Variants in POF1B observed in about 807,000 individuals in gnomAD.
The protein encoded by POF1B is protein POF1B.
POF1B carries 53 observed loss-of-function variants against 55.3 expected under a neutral mutation model. The observed-to-expected ratio is 0.96, with a 90% CI of 0.77 to 1.20. The LOEUF is 1.20. POF1B is among the 50% of genes most tolerant of loss of function. The pLI is 0.00. For synonymous variants in POF1B, 188 were observed against 148.3 expected, an observed-to-expected ratio of 1.27 and a Z score of -1.95; for missense variants, 478 against 420.5, an observed-to-expected ratio of 1.14 and a Z score of -1.20.
At chrX:85,287,430 T>G (rs1453031107) in intron 15 of POF1B, among the ~76,000 whole-genome samples, 1 of 111,116 alleles carries the variant, frequency 9.0e-6, no homozygotes, top group Admixed American at 9.6e-5. Flanking sequence ...GGTCCTATAG[T>G]CTTTGAAAGA....
At chrX:85,323,451 G>A (rs1414760318) in intron 7 of POF1B, among the ~76,000 whole-genome samples, 1 of 105,807 alleles carries the variant, frequency 9.5e-6, no homozygotes, top group East Asian at 3.0e-4. Context: ...GTTGTGGGGT[G>A]GGGGGAAGGG....
chrX:85,296,444 A>T (rs1428392625), intron 15 of POF1B, among the ~76,000 whole-genome samples: 1 of 112,128 alleles, frequency 8.9e-6, no homozygotes, highest in Non-Finnish European at 1.9e-5. Flanking sequence ...AGTGATAATA[A>T]ATTCCCTTAG....
At chrX:85,329,836 G>C (rs900717653) in intron 7 of POF1B, among the ~76,000 whole-genome samples, 1 of 108,568 alleles carries the variant, frequency 9.2e-6, no homozygotes. Flanking sequence ...ATATACAAGA[G>C]ATTAAGAGAG....
chrX:85,358,721 A>G (rs752864160), intron 4 of POF1B, among the ~76,000 whole-genome samples: 2 of 110,908 alleles, frequency 1.8e-5, no homozygotes, highest in Non-Finnish European at 1.9e-5. Context: ...AAGATTAGAC[A>G]AGCTGGGAGG....
intron 7 of POF1B, among the ~76,000 whole-genome samples, chrX:85,324,007 C>A (rs754603198): frequency 1.8e-5 from 2 of 111,954 alleles, no homozygotes; most frequent in Non-Finnish European, 3.8e-5. Flanking sequence ...TGTTTCATTT[C>A]CATTTAATTA....
At chrX:85,330,408 T>C (rs748812246) in intron 7 of POF1B, among the ~76,000 whole-genome samples, 2 of 111,551 alleles carry the variant, frequency 1.8e-5, no homozygotes, top group South Asian at 3.7e-4. Context: ...ATCACATAAG[T>C]GGAAGACAAA....
At chrX:85,291,436 A>G (rs1427643251) in intron 15 of POF1B, among the ~76,000 whole-genome samples, 3 of 111,612 alleles carry the variant, frequency 2.7e-5, no homozygotes, top group African/African-American at 9.8e-5. Context: ...TTCGTTCCAT[A>G]TGATTTTGAA....
At chrX:85,320,992 C>A (rs367748208) in intron 7 of POF1B, among the ~76,000 whole-genome samples, 3 of 110,800 alleles carry the variant, frequency 2.7e-5, no homozygotes, top group South Asian at 3.9e-4. Context: ...GATGGATTCA[C>A]AGCCGAATTC....
At chrX:85,302,266 TA>T (rs965165738) in intron 15 of POF1B, among the ~76,000 whole-genome samples, 1 of 111,242 alleles carries the variant, frequency 9.0e-6, no homozygotes, top group Non-Finnish European at 1.9e-5. Flanking sequence ...ACAACTCACT[TA>T]AAAAATGGAA....
intron 15 of POF1B, among the ~76,000 whole-genome samples, chrX:85,298,901 G>T (rs996993584): frequency 3.8e-5 from 4 of 104,239 alleles, no homozygotes; most frequent in African/African-American, 1.4e-4. Context: ...AGAATACAAA[G>T]AACTAAAAAA....
At chrX:85,280,933 C>T (rs1376234915) in intron 16 of POF1B, among the ~76,000 whole-genome samples, 5 of 110,778 alleles carry the variant, frequency 4.5e-5, no homozygotes, top group Non-Finnish European at 9.5e-5. Context: ...TCCTGCACAT[C>T]GTAGTATGTT....
At chrX:85,371,347 T>C (rs998046779) in intron 2 of POF1B, among the ~76,000 whole-genome samples, 4 of 112,125 alleles carry the variant, frequency 3.6e-5, no homozygotes. Flanking sequence ...TTGATGATGA[T>C]TATAATGATG....
At chrX:85,313,044 G>T (rs951837355) in intron 9 of POF1B, among the ~76,000 whole-genome samples, 1 of 112,040 alleles carries the variant, frequency 8.9e-6, no homozygotes, top group African/African-American at 3.2e-5. Context: ...AGACTTTGCT[G>T]AAGTTGCTTA....
At chrX:85,370,483 T>C (rs1933800671) in intron 2 of POF1B, among the ~76,000 whole-genome samples, 1 of 111,595 alleles carries the variant, frequency 9.0e-6, no homozygotes. Flanking sequence ...TTAATATGAG[T>C]CAAAGATATT....
Position 85,330,929 on chromosome X carries a change from AAAT to A in POF1B, c.854+17_854+19del. On this transcript the variant is annotated intron_variant, in intron 7 of 16. Transcript: ENST00000262753. ...TGTTTGGTAGCTACAACATCAAGGC[AAAT>A]AATATGTTTACAGTACCTTCCTCCA... 1 of 1,142,426 alleles carries A rather than the reference AAAT, an allele frequency of 8.8e-7. No individual in the cohort carries two copies. Among genetic ancestry groups the A allele is most frequent in the Non-Finnish European group, 1.2e-6 (1 of 859,949 alleles). The allele number at this position is 1,142,426 out of a possible 1,213,427, so 94.1% of individuals were successfully genotyped here.
intron 7 of POF1B, among the ~76,000 whole-genome samples, chrX:85,320,714 A>C (rs1932828821): frequency 9.0e-6 from 1 of 111,595 alleles, no homozygotes; most frequent in Admixed American, 9.6e-5. Context: ...TAAAGAAGAA[A>C]AGAGAGAAGA....
chrX:85,327,434 G>C (rs1394441451), intron 7 of POF1B, among the ~76,000 whole-genome samples: 1 of 111,691 alleles, frequency 9.0e-6, no homozygotes, highest in Non-Finnish European at 1.9e-5. Flanking sequence ...GTCACTTACT[G>C]TGCAAAACCT....
intron 7 of POF1B, among the ~76,000 whole-genome samples, chrX:85,328,031 G>A (rs1932917292): frequency 9.0e-6 from 1 of 110,774 alleles, no homozygotes; most frequent in South Asian, 3.8e-4. Flanking sequence ...GATGGAGAAC[G>A]TGGAAACAAA....
intron 15 of POF1B, among the ~76,000 whole-genome samples, chrX:85,297,169 C>G (rs1187123399): frequency 8.9e-6 from 1 of 111,812 alleles, no homozygotes; most frequent in Non-Finnish European, 1.9e-5. Context: ...CAACTTTTAC[C>G]TGTATCTTGA....
Sources: gnomAD v4.1 joint callset for allele counts (sites outside exome capture counted in the v4.1 genomes callset) on GRCh38, gnomAD v4.1.1 for gene constraint, MANE v1.5 for transcripts, NCBI Gene and HGNC (gene_info 2026-07-23, HGNC 2026-07-21) for gene names.